ARHGEF1: variants seen among roughly 807,000 people sequenced by gnomAD.
ARHGEF1 encodes the protein 115 kDa guanine nucleotide exchange factor.
Under a neutral mutation model 119.7 loss-of-function variants are expected in ARHGEF1, and 40 were observed. The ratio of observed to expected loss-of-function variants is 0.33; its 90% CI spans 0.26 to 0.44. ARHGEF1 has a LOEUF of 0.44. Among genes scored for constraint, ARHGEF1 ranks in the 20% least tolerant of loss-of-function variants. The pLI, the probability that ARHGEF1 is intolerant of heterozygous loss-of-function variation, is 1.00. For missense variants in ARHGEF1, 976 were observed against 1,268.3 expected (o/e 0.77, Z 3.50); for synonymous variants, 494 against 521.0 (o/e 0.95, Z 0.71).
In ARHGEF1 at chr19:41,892,870, G is replaced by A; in HGVS notation, c.614+21G>A. 6.7e-7 allele frequency: 1 copy of A among 1,481,764 alleles called. No homozygotes were observed. The highest frequency in any genetic ancestry group is 2.4e-5 in the East Asian group (1 of 40,868). The allele number at this position is 1,481,764 out of a possible 1,614,324, so 91.8% of individuals were successfully genotyped here. ...ATGCAGTGAGTAGGCCAGCCCTGGT[G>A]GGAGCGTCGCCCCTCCCCAGCACAA... On this transcript the variant is annotated intron_variant, in intron 7 of 28. Transcript: ENST00000354532. This position sits in a 1 kb window ranked among gnomAD's most constrained non-coding sequence, Gnocchi z 6.3.
At chr19:41,927,536 C>G (rs900455330) in intron 1 of ARHGEF1, among the ~76,000 whole-genome samples, 19 of 152,124 alleles carry the variant, frequency 1.2e-4, no homozygotes, top group African/African-American at 4.1e-4. Flanking sequence ...CAGCCCCAGT[C>G]AGCTCCCAAC....
At position 41,894,277 on chromosome 19, in the gene ARHGEF1, A is replaced by G; in HGVS notation, c.715A>G (p.Lys239Glu). 6.4e-7 allele frequency: 1 copy of G among 1,570,026 alleles called. No homozygotes were observed. The highest frequency in any genetic ancestry group is 8.7e-7 in the Non-Finnish European group (1 of 1,153,362). ...LGVRTKSGDK[K>E]SGRNFFRKKV... ...GGTGCGGACCAAGAGTGGAGACAAG[A>G]AGTCGGGGAGGAACTTCTTCCGGAA... The change falls in exon 9 of 29, where the codon AAG becomes GAG. Residue 239 changes from lysine (K) to glutamate (E), a missense_variant. Lys to Glu is a moderately conservative substitution (Grantham distance 56, BLOSUM62 1). Coordinates refer to ENST00000354532, the MANE Select transcript of ARHGEF1 (RefSeq NM_004706.4).
chr19:41,905,255 C>A lies in ARHGEF1; in HGVS notation c.2330C>A (p.Pro777Gln), dbSNP rs146058052. 3 of 1,613,020 alleles carry A rather than the reference C, an allele frequency of 1.9e-6. No homozygotes were observed. Among genetic ancestry groups the A allele is most frequent in the Non-Finnish European group, 2.5e-6 (3 of 1,179,598 alleles). Residue 777 changes from proline (P) to glutamine (Q), a missense_variant, in exon 24 of 29, where the codon CCG becomes CAG. Coordinates refer to ENST00000354532, the MANE Select transcript of ARHGEF1 (RefSeq NM_004706.4). The surrounding 1 kb of genome is among the most constrained non-coding windows in gnomAD (Gnocchi z 6.4). Reference sequence around the variant, plus strand: ...TCTCGCCCTAAGCCCCGGCCCAGCCCGAGCAGGTGAGGGGGGCCATGGAGA... The same window carrying A: ...TCTCGCCCTAAGCCCCGGCCCAGCCAGAGCAGGTGAGGGGGGCCATGGAGA... Reference protein sequence around the residue: ...PASRPKPRPSPSSTREPLLSS... With the variant: ...PASRPKPRPSQSSTREPLLSS...
At chr19:41,887,292 A>G (rs1041437993) in intron 1 of ARHGEF1, among the ~76,000 whole-genome samples, 6 of 152,058 alleles carry the variant, frequency 3.9e-5, no homozygotes, top group Admixed American at 2.0e-4. Flanking sequence ...AGACCAAGAC[A>G]TGAGACAGAT....
chr19:41,924,331 G>T (rs577271303), intron 1 of ARHGEF1, among the ~76,000 whole-genome samples: 1 of 152,192 alleles, frequency 6.6e-6, no homozygotes, highest in South Asian at 2.1e-4. Flanking sequence ...ACATCTACCT[G>T]TTTCTGGGAC....
intron 1 of ARHGEF1, chr19:41,928,745 G>C: frequency 2.8e-6 from 1 of 353,192 alleles, no homozygotes; most frequent in Non-Finnish European, 5.7e-6. Context: ...GACTGAGGGA[G>C]TGGGGGTGGG....
chr19:41,923,386 T>C (rs2074852838), intron 1 of ARHGEF1, among the ~76,000 whole-genome samples: 1 of 151,486 alleles, frequency 6.6e-6, no homozygotes, highest in Non-Finnish European at 1.5e-5. Context: ...GTAAAGACCC[T>C]GTATGGAGAA....
chr19:41,919,512 TACACACACAC>T (rs60525805), upstream of ARHGEF1, among the ~76,000 whole-genome samples: 1 of 146,486 alleles, frequency 6.8e-6, no homozygotes, highest in East Asian at 2.0e-4. Flanking sequence ...CGTGCACGCG[TACACACACAC>T]ACACACACAC....
intron 1 of ARHGEF1, among the ~76,000 whole-genome samples, chr19:41,886,431 T>C (rs2074294807): frequency 6.6e-6 from 1 of 152,080 alleles, no homozygotes; most frequent in South Asian, 2.1e-4. Context: ...GGGATGAGCA[T>C]GCACCCTCCA....
Position 41,892,526 on chromosome 19 carries a change from G to A in ARHGEF1, c.368-77G>A. 1 of 1,570,388 alleles carries A rather than the reference G, an allele frequency of 6.4e-7. No individual in the cohort carries two copies. Among genetic ancestry groups the A allele is most frequent in the Non-Finnish European group, 8.7e-7 (1 of 1,154,402 alleles). Reference sequence around the variant, plus strand: ...AGCGGCCTCAGGACGTGTGGCTGTTGGAGTCCAAGGGTGGGTGGGGACCGT... The same window carrying A: ...AGCGGCCTCAGGACGTGTGGCTGTTAGAGTCCAAGGGTGGGTGGGGACCGT... On this transcript the variant is annotated intron_variant, in intron 6 of 28. Transcript: ENST00000354532. This position sits in a 1 kb window ranked among gnomAD's most constrained non-coding sequence, Gnocchi z 6.3.
In ARHGEF1 at chr19:41,902,864, C is replaced by T. The variant is rs1555849333; in HGVS notation, c.1704C>T (p.Tyr568=). 1 of 1,612,918 alleles carries T rather than the reference C, an allele frequency of 6.2e-7. No homozygotes were observed. The highest frequency in any genetic ancestry group is 2.2e-5 in the East Asian group (1 of 44,886). Residue 568 remains tyrosine, a synonymous_variant, in exon 18 of 29, where the codon TAC becomes TAT. Transcript: ENST00000354532. This position sits in a 1 kb window ranked among gnomAD's most constrained non-coding sequence, Gnocchi z 6.5. ...CGGAGATGCAGCGGCTGACCAAGTA[C>T]CCCCTGCTCCTGCAGAGCATCGGGC... ...IPTEMQRLTK[Y]PLLLQSIGQN...
At chr19:41,884,371 G>A (rs1299198141) in intron 1 of ARHGEF1, 7 of 1,534,654 alleles carry the variant, frequency 4.6e-6, no homozygotes, top group Non-Finnish European at 5.3e-6. Flanking sequence ...AGTGGAGCTG[G>A]GCGCAAAGGT....
At chr19:41,924,977 C>T (rs782194068) in intron 1 of ARHGEF1, among the ~76,000 whole-genome samples, 2 of 152,042 alleles carry the variant, frequency 1.3e-5, no homozygotes, top group Non-Finnish European at 2.9e-5. Flanking sequence ...GTTCCCAATG[C>T]TTGCAAAAGG....
At position 41,904,352 on chromosome 19, in the gene ARHGEF1, C is replaced by T. The variant is rs2074655582; in HGVS notation, c.2130C>T (p.Leu710=). 6.3e-7 allele frequency: 1 copy of T among 1,592,852 alleles called. No individual in the cohort carries two copies. The highest frequency in any genetic ancestry group is 8.5e-7 in the Non-Finnish European group (1 of 1,172,520). Residue 710 remains leucine, a synonymous_variant, in exon 22 of 29, where the codon CTC becomes CTT. Transcript: ENST00000354532. This position sits in a 1 kb window ranked among gnomAD's most constrained non-coding sequence, Gnocchi z 8.4. ...CCATGCTGCGGCCCGTGCTGCGGCT[C>T]ACCTCCGCCATGACCCGCGAGGTGG... ...GKTMLRPVLR[L]TSAMTREVAT...
chr19:41,925,444 T>C (rs1482377052), intron 1 of ARHGEF1, among the ~76,000 whole-genome samples: 1 of 151,868 alleles, frequency 6.6e-6, no homozygotes, highest in Non-Finnish European at 1.5e-5. Flanking sequence ...GTGTGTAAAG[T>C]AATGTTGTGT....
At chr19:41,911,290 T>G (rs147578539), downstream of ARHGEF1, among the ~76,000 whole-genome samples, 2 of 152,214 alleles carry the variant, frequency 1.3e-5, no homozygotes, top group Non-Finnish European at 2.9e-5. Context: ...TTCACTCTTA[T>G]GCCACATCCT....
upstream of ARHGEF1, among the ~76,000 whole-genome samples, chr19:41,918,319 A>G (rs371401614): frequency 4.4e-4 from 66 of 151,480 alleles, 1 homozygote; most frequent in African/African-American, 1.5e-3. Flanking sequence ...CCCACACACC[A>G]CATACACACA....
chr19:41,912,973 G>T, intron 18 of ARHGEF1: 1 of 966,466 alleles, frequency 1.0e-6, no homozygotes, highest in Non-Finnish European at 1.3e-6. Flanking sequence ...GGGGTGGGCA[G>T]GAGAGACAGA....
Position 41,894,561 on chromosome 19 carries a change from G to A in ARHGEF1, c.841+14G>A. 1 of 1,613,828 alleles carries A rather than the reference G, an allele frequency of 6.2e-7. No individual in the cohort carries two copies. Among genetic ancestry groups the A allele is most frequent in the Non-Finnish European group, 8.5e-7 (1 of 1,179,802 alleles). On this transcript the variant is annotated intron_variant, in intron 10 of 28. Transcript: ENST00000354532. ...GAGAGCCCCAGGGTAAGGCGGCTCT[G>A]GCCTCTGCCCTCCCCTGTCTTCCCC...
Sources: gnomAD v4.1 joint callset for allele counts (sites outside exome capture counted in the v4.1 genomes callset) on GRCh38, gnomAD v4.1.1 for gene constraint, Gnocchi (gnomAD v3.1) non-coding constraint, MANE v1.5 for transcripts, NCBI Gene and HGNC (gene_info 2026-07-23, HGNC 2026-07-21) for gene names.